The following GNAL variants were observed in gnomAD, a reference collection of about 807,000 sequenced individuals.
GNAL encodes guanine nucleotide-binding protein G(olf) subunit alpha.
GNAL carries 18 observed loss-of-function variants against 55.1 expected under a neutral mutation model. The ratio of observed to expected loss-of-function variants is 0.33; its 90% CI spans 0.23 to 0.48. The LOEUF (loss-of-function observed/expected upper bound fraction) is 0.48, where lower values mean the gene tolerates loss of function less well. Ranked by LOEUF, GNAL falls within the 20% of genes least tolerant of loss-of-function variation. GNAL has a pLI of 0.99. For missense variants in GNAL, 412 were observed against 614.1 expected, an observed-to-expected ratio of 0.67 and a Z score of 3.48; for synonymous variants, 253 against 237.0, an observed-to-expected ratio of 1.07 and a Z score of -0.62.
At position 11,868,398 on chromosome 18, in the gene GNAL, G is replaced by A. The variant is rs561934134; in HGVS notation, c.911-145G>A. Reference sequence around the variant, plus strand: ...ACTGAAGCAACCAGTGGTGCGCGGCGCACCTGCAGGCTGTTCTGTGACTGA... The same window carrying A: ...ACTGAAGCAACCAGTGGTGCGCGGCACACCTGCAGGCTGTTCTGTGACTGA... On this transcript the variant is annotated intron_variant, in intron 8 of 11. Coordinates refer to ENST00000334049, the MANE Select transcript of GNAL (RefSeq NM_182978.4). The surrounding 1 kb of genome is among the most constrained non-coding windows in gnomAD (Gnocchi z 4.0). 22 of 626,950 alleles carry A rather than the reference G, an allele frequency of 3.5e-5. No homozygotes were observed. Among genetic ancestry groups the A allele is most frequent in the South Asian group, 1.2e-4 (5 of 41,714 alleles). 38.8% of individuals were successfully genotyped at this position (626,950 alleles called of 1,614,324 possible).
intron 5 of GNAL, among the ~76,000 whole-genome samples, chr18:11,855,453 AG>A (rs1299672097): frequency 6.6e-5 from 10 of 152,212 alleles, no homozygotes; most frequent in Admixed American, 5.2e-4. Context: ...ACATGGATTT[AG>A]GATTGAAAGA....
intron 4 of GNAL, among the ~76,000 whole-genome samples, chr18:11,802,152 A>C (rs112249672): frequency 2.6e-4 from 39 of 152,276 alleles, no homozygotes; most frequent in African/African-American, 8.9e-4. Context: ...GTTAGCAAAA[A>C]GCGATAAAAT....
chr18:11,851,530 C>T (rs766642864), intron 5 of GNAL: 2 of 1,599,104 alleles, frequency 1.3e-6, no homozygotes, highest in Admixed American at 3.5e-5. Flanking sequence ...CATGGAGAAA[C>T]ACCTGTTCAA....
intron 1 of GNAL, among the ~76,000 whole-genome samples, chr18:11,741,668 T>A (rs2032579060): frequency 6.6e-6 from 1 of 152,236 alleles, no homozygotes; most frequent in African/African-American, 2.4e-5. Context: ...TGAACATGCG[T>A]TGCTTTAAAA....
At chr18:11,769,442 TC>T (rs2033563998) in intron 4 of GNAL, among the ~76,000 whole-genome samples, 1 of 151,680 alleles carries the variant, frequency 6.6e-6, no homozygotes, top group South Asian at 2.1e-4. Context: ...TCAAGGCCAC[TC>T]CTAGCATAGC....
At chr18:11,836,244 C>T (rs1284840321) in intron 5 of GNAL, among the ~76,000 whole-genome samples, 2 of 151,852 alleles carry the variant, frequency 1.3e-5, no homozygotes, top group African/African-American at 2.4e-5. Flanking sequence ...GTTGGGAGGT[C>T]GCGACCAGCC....
chr18:11,689,931 T>C lies in GNAL; in HGVS notation c.368T>C (p.Leu123Pro). The C allele has an allele frequency of 7.2e-7, 1 of 1,385,864 alleles. No homozygotes were observed. Among genetic ancestry groups the C allele is most frequent in the Non-Finnish European group, 9.4e-7 (1 of 1,065,694 alleles). The allele number at this position is 1,385,864 out of a possible 1,614,324, so 85.8% of individuals were successfully genotyped here. Residue 123 changes from leucine (L) to proline (P), a missense_variant, in exon 1 of 12, where the codon CTG (leucine) becomes CCG (proline). Physicochemically the swap from Leu to Pro is moderately conservative, Grantham distance 98 (BLOSUM62 -3). Around this residue, in one of 5 missense-constraint regions of GNAL, gnomAD observed 228 missense variants for 194.8 expected, o/e 1.17. Transcript: ENST00000334049. ...KRDLQQTHRL[L>P]LLGAGESGKS... ...GACCTGCAGCAGACGCACCGGCTCC[T>C]GCTGCTCGGTAGGTCCCGGCCGCGA...
intron 1 of GNAL, among the ~76,000 whole-genome samples, chr18:11,695,049 G>C (rs1265725518): frequency 6.6e-6 from 1 of 152,098 alleles, no homozygotes; most frequent in Non-Finnish European, 1.5e-5. Flanking sequence ...ATACAGTCAT[G>C]TGGGGGGTTA....
chr18:11,849,447 A>G (rs2143772148), intron 5 of GNAL, among the ~76,000 whole-genome samples: 1 of 151,210 alleles, frequency 6.6e-6, no homozygotes, highest in Middle Eastern at 3.4e-3. Flanking sequence ...GGCTGCAGTG[A>G]GCCAAGATCA....
chr18:11,768,863 C>T (rs2033500946), intron 4 of GNAL, among the ~76,000 whole-genome samples: 1 of 140,684 alleles, frequency 7.1e-6, no homozygotes, highest in Non-Finnish European at 1.5e-5. Context: ...CACTGCACTC[C>T]AACCTGGGCG....
chr18:11,805,888 TG>T (rs2034645400), intron 4 of GNAL, among the ~76,000 whole-genome samples: 1 of 152,200 alleles, frequency 6.6e-6, no homozygotes, highest in Non-Finnish European at 1.5e-5. Flanking sequence ...CAGGATAGAA[TG>T]GTAGTTCTAT....
chr18:11,855,897 G>A (rs1006207264), intron 5 of GNAL, among the ~76,000 whole-genome samples: 2 of 150,474 alleles, frequency 1.3e-5, no homozygotes, highest in Admixed American at 6.6e-5. Context: ...GCTTAAACCC[G>A]GGAGGTGGAG....
intron 4 of GNAL, among the ~76,000 whole-genome samples, chr18:11,781,933 T>G (rs1236466488): frequency 6.6e-6 from 1 of 152,198 alleles, no homozygotes; most frequent in African/African-American, 2.4e-5. Context: ...TGGCACTGTT[T>G]ATAACAAGAA....
At chr18:11,765,913 G>A (rs1303496226) in intron 4 of GNAL, among the ~76,000 whole-genome samples, 2 of 152,180 alleles carry the variant, frequency 1.3e-5, no homozygotes, top group Admixed American at 6.5e-5. Flanking sequence ...TTGGAAGTTT[G>A]TTGTTCATCT....
intron 1 of GNAL, among the ~76,000 whole-genome samples, chr18:11,735,067 T>G (rs1278693747): frequency 1.3e-5 from 2 of 151,144 alleles, no homozygotes; most frequent in Non-Finnish European, 2.9e-5. Context: ...GGGTTTTTTT[T>G]GAGATGGAGT....
chr18:11,742,781 C>T (rs945610011), intron 1 of GNAL, among the ~76,000 whole-genome samples: 4 of 152,320 alleles, frequency 2.6e-5, no homozygotes, highest in Admixed American at 6.5e-5. Flanking sequence ...TGAAGCTTTG[C>T]GGGATTCCAA....
At chr18:11,820,383 ATATT>A (rs1457904606) in intron 4 of GNAL, among the ~76,000 whole-genome samples, 4 of 152,246 alleles carry the variant, frequency 2.6e-5, no homozygotes, top group Admixed American at 1.3e-4. Flanking sequence ...GGCTGGCTAA[ATATT>A]TAATGACTTC....
chr18:11,869,552 C>T (rs920004807), intron 9 of GNAL, among the ~76,000 whole-genome samples: 1 of 152,216 alleles, frequency 6.6e-6, no homozygotes, highest in Non-Finnish European at 1.5e-5. Context: ...TCAGGTTCCA[C>T]ATCTGCGGAT....
chr18:11,702,636 AG>A (rs2031600175), intron 1 of GNAL, among the ~76,000 whole-genome samples: 1 of 152,100 alleles, frequency 6.6e-6, no homozygotes, highest in Non-Finnish European at 1.5e-5. Flanking sequence ...CTGTCTCAGG[AG>A]CTGTTCTGTG....
Sources: allele counts gnomAD v4.1 joint callset (sites outside exome capture counted in the v4.1 genomes callset), GRCh38; gene constraint gnomAD v4.1.1; regional missense constraint gnomAD v4.1.1; non-coding constraint Gnocchi (gnomAD v3.1); transcripts MANE v1.5; gene names NCBI Gene and HGNC (gene_info 2026-07-23, HGNC 2026-07-21).